The following FCHSD2 variants were observed in gnomAD, a reference collection of about 807,000 sequenced individuals.
The protein encoded by FCHSD2 is F-BAR and double SH3 domains protein 2.
Under a neutral mutation model 108.1 loss-of-function variants are expected in FCHSD2, and 38 were observed. The observed-to-expected ratio is 0.35, with a 90% confidence interval of 0.27 to 0.46. The LOEUF (loss-of-function observed/expected upper bound fraction) is 0.46, where lower values mean the gene tolerates loss of function less well. Among genes scored for constraint, FCHSD2 ranks in the 20% least tolerant of loss-of-function variants. The probability of loss-of-function intolerance (pLI) is 1.00; values close to 1 mark genes in which losing one functional copy is unlikely to be tolerated. For missense variants in FCHSD2, 751 were observed against 897.8 expected (o/e 0.84, Z 2.09); for synonymous variants, 279 against 314.7 (o/e 0.89, Z 1.20).
intron 5 of FCHSD2, among the ~76,000 whole-genome samples, chr11:72,999,866 GACACACACACACAC>G (rs138484535): frequency 6.7e-6 from 1 of 150,306 alleles, no homozygotes; most frequent in Non-Finnish European, 1.5e-5. Context: ...TGCACAATCA[GACACACACACACAC>G]ACACACAAAC....
intron 13 of FCHSD2, among the ~76,000 whole-genome samples, chr11:72,864,521 G>A (rs1162816221): frequency 6.6e-6 from 1 of 152,156 alleles, no homozygotes; most frequent in African/African-American, 2.4e-5. Flanking sequence ...ACTCCAGCCT[G>A]GGCGATAGAG....
intron 19 of FCHSD2, among the ~76,000 whole-genome samples, chr11:72,840,543 G>A (rs1203775516): frequency 6.6e-6 from 1 of 152,168 alleles, no homozygotes; most frequent in Non-Finnish European, 1.5e-5. Flanking sequence ...GGCAAATAGA[G>A]GCCTGGAAAA....
At chr11:72,841,340 C>CAAAAA (rs59748827) in intron 18 of FCHSD2, 114 bp downstream of exon 18, 141 of 373,768 alleles carry the variant, frequency 3.8e-4, no homozygotes, top group East Asian at 1.0e-3. Context: ...ACTCTGTCTC[C>CAAAAA]AAAAAAAAAA....
At chr11:73,006,561 C>A (rs1348097992) in intron 4 of FCHSD2, among the ~76,000 whole-genome samples, 3 of 152,226 alleles carry the variant, frequency 2.0e-5, no homozygotes, top group Middle Eastern at 3.2e-3. Flanking sequence ...CCACCCTCAC[C>A]TTATGCCTAG....
chr11:73,073,747 A>G (rs935513854), intron 3 of FCHSD2, among the ~76,000 whole-genome samples: 7 of 152,226 alleles, frequency 4.6e-5, no homozygotes, highest in African/African-American at 1.7e-4. Context: ...ATAATGCCAT[A>G]TAAGTGGCTT....
chr11:73,121,196 T>A (rs772615845), intron 2 of FCHSD2, among the ~76,000 whole-genome samples: 1 of 151,428 alleles, frequency 6.6e-6, no homozygotes, highest in Non-Finnish European at 1.5e-5. Context: ...CACACACGCA[T>A]GCACGCACAC....
chr11:73,062,714 TAAAG>T (rs1161190891), intron 3 of FCHSD2, among the ~76,000 whole-genome samples: 1 of 151,602 alleles, frequency 6.6e-6, no homozygotes, highest in Non-Finnish European at 1.5e-5. Context: ...CTTAATGAAA[TAAAG>T]AAAGAAGACA....
intron 8 of FCHSD2, among the ~76,000 whole-genome samples, chr11:72,937,010 G>T (rs1159901957): frequency 6.6e-6 from 1 of 152,060 alleles, no homozygotes; most frequent in East Asian, 1.9e-4. Flanking sequence ...TCATAATCTT[G>T]TTAAAAATTA....
intron 14 of FCHSD2, among the ~76,000 whole-genome samples, chr11:72,843,952 G>C (rs1051863516): frequency 6.6e-6 from 1 of 151,768 alleles, no homozygotes; most frequent in African/African-American, 2.4e-5. Flanking sequence ...AGGCTGCAGT[G>C]AGCCATGAGT....
In FCHSD2 at chr11:72,839,688, T is replaced by C. The variant is rs563052633; in HGVS notation, c.2140-814A>G. On this transcript the variant is annotated intron_variant, in intron 19 of 19. Coordinates refer to ENST00000409418, the MANE Select transcript of FCHSD2 (RefSeq NM_014824.3). ...TAGGCAATATGGGAGAAGGAACATG[T>C]CTGGAAGGGAACATAACTCATTTTT... Among the ~76,000 whole-genome samples the C allele has an allele frequency of 2.4e-4, 37 of 152,262 alleles. 1 individual carries two copies. The South Asian group carries it at 7.5e-3, about 31-fold the overall frequency.
chr11:72,976,141 T>C (rs1428124316), intron 8 of FCHSD2, among the ~76,000 whole-genome samples: 1 of 152,186 alleles, frequency 6.6e-6, no homozygotes, highest in Non-Finnish European at 1.5e-5. Context: ...TGTTTTAGTT[T>C]AGAGTTTAAA....
chr11:73,086,557 A>C (rs886293956), intron 2 of FCHSD2, among the ~76,000 whole-genome samples: 3 of 152,210 alleles, frequency 2.0e-5, no homozygotes, highest in Non-Finnish European at 2.9e-5. Flanking sequence ...GAGATAAACA[A>C]AGACAGTAGA....
chr11:73,025,565 C>T (rs1162530664), intron 3 of FCHSD2, among the ~76,000 whole-genome samples: 1 of 151,860 alleles, frequency 6.6e-6, no homozygotes, highest in Non-Finnish European at 1.5e-5. Flanking sequence ...CTGGGTGATG[C>T]AATAATCTGT....
intron 8 of FCHSD2, among the ~76,000 whole-genome samples, chr11:72,964,675 C>A (rs1243485226): frequency 6.6e-6 from 1 of 152,198 alleles, no homozygotes; most frequent in African/African-American, 2.4e-5. Flanking sequence ...TCCTTTACAA[C>A]CCACAGCCCC....
chr11:72,862,150 A>G (rs537805965), intron 13 of FCHSD2, among the ~76,000 whole-genome samples: 22 of 152,338 alleles, frequency 1.4e-4, no homozygotes, highest in Non-Finnish European at 2.9e-4. Context: ...CAAAAACCCT[A>G]CTGCTAACTT....
rs10674308 is a variant in FCHSD2 at position 72,899,735 on chromosome 11, T to TAAAAA, written c.924+2803_924+2807dup. On this transcript the variant is annotated intron_variant, in intron 10 of 19. Coordinates refer to ENST00000409418, the MANE Select transcript of FCHSD2 (RefSeq NM_014824.3). ...TGGGTGACAGAGTAAGACCCTATCT[T>TAAAAA]AAAAAAAAAAAAAAAAAAAAAAAGA... Among the ~76,000 whole-genome samples the TAAAAA allele has an allele frequency of 5.5e-3, 399 of 72,690 alleles. 8 individuals carry two copies. The highest frequency in any genetic ancestry group is 0.01 in the Middle Eastern group (1 of 98). The allele number at this position is 72,690 out of a possible 152,430, so 47.7% of individuals were successfully genotyped here.
chr11:72,872,897 G>T (rs888809776), intron 12 of FCHSD2, among the ~76,000 whole-genome samples: 7 of 152,170 alleles, frequency 4.6e-5, no homozygotes, highest in Non-Finnish European at 8.8e-5. Context: ...TTTATCATTT[G>T]ATCCCACCAG....
In FCHSD2 at chr11:72,896,916, T is replaced by A; in HGVS notation, c.924+5627A>T. On this transcript the variant is annotated intron_variant, in intron 10 of 19. Coordinates refer to ENST00000409418, the MANE Select transcript of FCHSD2 (RefSeq NM_014824.3). ...ATCTCGGCTCACTGCAAGCCCCGCC[T>A]CCCAGGTTCACGCCATTCTCCTGCC... is the stretch of plus-strand genomic sequence containing the variant. Among the ~76,000 whole-genome samples, 2 of 151,880 alleles carry A rather than the reference T, an allele frequency of 1.3e-5. 1 individual carries two copies. The highest frequency in any genetic ancestry group is 3.9e-4 in the East Asian group (2 of 5,168).
intron 3 of FCHSD2, among the ~76,000 whole-genome samples, chr11:73,050,576 C>A (rs946750046): frequency 2.0e-5 from 3 of 152,008 alleles, no homozygotes; most frequent in African/African-American, 7.2e-5. Flanking sequence ...GGAACCCAGG[C>A]CCCCACAATG....
Sources: allele counts gnomAD v4.1 joint callset (sites outside exome capture counted in the v4.1 genomes callset), GRCh38; gene constraint gnomAD v4.1.1; transcripts MANE v1.5; gene names NCBI Gene and HGNC (gene_info 2026-07-23, HGNC 2026-07-21).